DGKI: variants seen among roughly 807,000 people sequenced by gnomAD.
DGKI encodes DAG kinase iota.
Under a neutral mutation model 147.5 loss-of-function variants are expected in DGKI, and 55 were observed. The ratio of observed to expected loss-of-function variants is 0.37; its 90% CI spans 0.30 to 0.47. The LOEUF is 0.47. DGKI is among the 20% of genes least tolerant of loss of function. The pLI is 1.00. For synonymous variants in DGKI, 469 were observed against 477.1 expected (o/e 0.98, Z 0.22); for missense variants, 1,007 against 1,323.8 (o/e 0.76, Z 3.71).
intron 6 of DGKI, among the ~76,000 whole-genome samples, chr7:137,634,963 T>C (rs1821259732): frequency 6.6e-6 from 1 of 152,134 alleles, no homozygotes; most frequent in African/African-American, 2.4e-5. Context: ...CAGGCAGTGA[T>C]AAATGGCAAG....
At chr7:137,412,089 G>A in intron 29 of DGKI, 81 bp downstream of exon 29, 1 of 1,314,704 alleles carries the variant, frequency 7.6e-7, no homozygotes, top group Admixed American at 1.7e-5. Flanking sequence ...TGATAGATGG[G>A]AACATAGAGT....
intron 3 of DGKI, among the ~76,000 whole-genome samples, chr7:137,668,796 G>A (rs1822737057): frequency 6.6e-6 from 1 of 152,176 alleles, no homozygotes; most frequent in Non-Finnish European, 1.5e-5. Context: ...CACCTCACAA[G>A]CTCAGTCCTT....
chr7:137,583,951 T>C (rs1054159606), intron 14 of DGKI, among the ~76,000 whole-genome samples: 11 of 152,142 alleles, frequency 7.2e-5, no homozygotes, highest in African/African-American at 2.7e-4. Context: ...GAAAAAACCA[T>C]AAAGACAGAG....
intron 1 of DGKI, among the ~76,000 whole-genome samples, chr7:137,786,455 G>A (rs62490514): frequency 6.6e-4 from 100 of 151,980 alleles, no homozygotes; most frequent in Non-Finnish European, 1.4e-3. Context: ...AAACACTGCT[G>A]AAAGAAATCA....
At chr7:137,576,752 T>C (rs188950213) in intron 17 of DGKI, among the ~76,000 whole-genome samples, 5 of 152,300 alleles carry the variant, frequency 3.3e-5, no homozygotes, top group Non-Finnish European at 7.4e-5. Flanking sequence ...CACTTCGTTC[T>C]AAAATGGAGA....
chr7:137,393,371 T>C (rs1811435086), intron 32 of DGKI, among the ~76,000 whole-genome samples: 1 of 152,170 alleles, frequency 6.6e-6, no homozygotes. Context: ...CCTGTTTGGT[T>C]TGTCCCTCTT....
chr7:137,769,780 C>T (rs1041850249), intron 1 of DGKI, among the ~76,000 whole-genome samples: 1 of 152,240 alleles, frequency 6.6e-6, no homozygotes, highest in African/African-American at 2.4e-5. Context: ...GAGATACTAT[C>T]ACATGCCAGT....
chr7:137,697,062 A>G lies in DGKI; in HGVS notation c.402-7060T>C, dbSNP rs139671445. ...ATTCTCCCTCACAGCCCTCAGAGAG[A>G]ACCAACCCTGCCGACATTTTGATCA... On this transcript the variant is annotated intron_variant, in intron 1 of 32. Transcript: ENST00000614521. Among the ~76,000 whole-genome samples, 302 of 152,300 alleles carry G rather than the reference A, an allele frequency of 2.0e-3. 3 individuals are homozygous for G. Among genetic ancestry groups the G allele is most frequent in the African/African-American group, 6.7e-3 (278 of 41,566 alleles).
intron 1 of DGKI, among the ~76,000 whole-genome samples, chr7:137,717,521 T>A (rs769835786): frequency 5.3e-5 from 8 of 152,196 alleles, no homozygotes; most frequent in Non-Finnish European, 8.8e-5. Context: ...CATAAACATA[T>A]GTCTGTCTGT....
intron 1 of DGKI, among the ~76,000 whole-genome samples, chr7:137,844,035 C>T (rs923835697): frequency 2.6e-5 from 4 of 152,034 alleles, no homozygotes; most frequent in African/African-American, 4.8e-5. Flanking sequence ...TCAGGTGCCC[C>T]CAGAAGGGAG....
chr7:137,718,915 T>C (rs1365624902), intron 1 of DGKI, among the ~76,000 whole-genome samples: 2 of 152,218 alleles, frequency 1.3e-5, no homozygotes, highest in African/African-American at 2.4e-5. Flanking sequence ...CTTTTCAGTA[T>C]GATGGACTTC....
chr7:137,653,514 G>A (rs920576250), intron 5 of DGKI, among the ~76,000 whole-genome samples: 1 of 152,288 alleles, frequency 6.6e-6, no homozygotes, highest in East Asian at 1.9e-4. Flanking sequence ...GTCTTACTCA[G>A]TACACCCTCT....
At chr7:137,619,009 A>C (rs1284309351) in intron 8 of DGKI, among the ~76,000 whole-genome samples, 3 of 152,184 alleles carry the variant, frequency 2.0e-5, no homozygotes, top group African/African-American at 7.2e-5. Context: ...GAGTCTGGAG[A>C]CCACAGGAAG....
At chr7:137,494,549 A>G (rs1815890220) in intron 21 of DGKI, among the ~76,000 whole-genome samples, 1 of 152,236 alleles carries the variant, frequency 6.6e-6, no homozygotes, top group Admixed American at 6.5e-5. Flanking sequence ...TTTCAAACCA[A>G]GAATTCTATA....
intron 1 of DGKI, among the ~76,000 whole-genome samples, chr7:137,754,080 C>G (rs1795602428): frequency 6.6e-6 from 1 of 151,884 alleles, no homozygotes; most frequent in South Asian, 2.1e-4. Flanking sequence ...CAAGAGGGGT[C>G]ATGGGGGGTT....
chr7:137,424,688 T>C (rs111392036), intron 28 of DGKI, among the ~76,000 whole-genome samples: 2,824 of 152,278 alleles, frequency 0.019, 89 homozygotes, highest in African/African-American at 0.065. Flanking sequence ...CCCACCCTAA[T>C]ACTGTGCTTT....
At chr7:137,516,788 C>A (rs1563063404) in intron 21 of DGKI, among the ~76,000 whole-genome samples, 1 of 151,970 alleles carries the variant, frequency 6.6e-6, no homozygotes, top group Non-Finnish European at 1.5e-5. Context: ...ATGGCTCTAC[C>A]ATTTTGGCAT....
At position 137,439,616 on chromosome 7, in the gene DGKI, T is replaced by C. The variant is rs559816702; in HGVS notation, c.2761+4461A>G. Among the ~76,000 whole-genome samples, 9 of 152,312 alleles carry C rather than the reference T, an allele frequency of 5.9e-5. No individual in the cohort carries two copies. The East Asian group carries it at 1.5e-3, about 26-fold the overall frequency. ...GGGATTATTACAATTCAAGGTGAGA[T>C]TTAGGTGGGGACACAGCCAAACCAT... On this transcript the variant is annotated intron_variant, in intron 28 of 32. Transcript: ENST00000614521.
At chr7:137,757,098 G>A (rs1317989239) in intron 1 of DGKI, among the ~76,000 whole-genome samples, 1 of 151,732 alleles carries the variant, frequency 6.6e-6, no homozygotes, top group African/African-American at 2.4e-5. Flanking sequence ...AGGCATGAAA[G>A]CCGCCCCTGA....
Sources: gnomAD v4.1 joint callset for allele counts (sites outside exome capture counted in the v4.1 genomes callset) on GRCh38, gnomAD v4.1.1 for gene constraint, MANE v1.5 for transcripts, NCBI Gene and HGNC (gene_info 2026-07-23, HGNC 2026-07-21) for gene names.